MECOM: variants seen among roughly 807,000 people sequenced by gnomAD.
The protein encoded by MECOM is MDS1 and EVI1 complex locus.
A neutral mutation model predicts 116.3 loss-of-function variants in MECOM; 13 were observed. The observed-to-expected ratio is 0.11, with a 90% confidence interval of 0.07 to 0.18. The LOEUF (loss-of-function observed/expected upper bound fraction) is 0.18. MECOM is among the 10% of genes least tolerant of loss of function. MECOM has a pLI of 1.00. For synonymous variants in MECOM, 528 were observed against 535.2 expected, an observed-to-expected ratio of 0.99 and a Z score of 0.19; for missense variants, 1,299 against 1,509.0, an observed-to-expected ratio of 0.86 and a Z score of 2.31.
rs115065656 is a variant in MECOM, at chr3:169,522,662, T to G, written c.37+140674A>C. On this transcript the variant is annotated intron_variant, in intron 1 of 16. Transcript: ENST00000651503. The stretch of plus-strand genomic sequence containing the variant: ...ATTTAGAAAAGATTATATGTGATCA[T>G]ATGGATGTAAATGTGAGAAAACAAT... Among the ~76,000 whole-genome samples the G allele has an allele frequency of 6.4e-3, 968 of 152,316 alleles. 14 individuals are homozygous for G. Among genetic ancestry groups the G allele is most frequent in the African/African-American group, 0.023 (946 of 41,570 alleles).
intron 1 of MECOM, among the ~76,000 whole-genome samples, chr3:169,490,763 C>T (rs971708131): frequency 1.3e-5 from 2 of 151,954 alleles, no homozygotes; most frequent in African/African-American, 4.8e-5. Flanking sequence ...AGGGGTGGGC[C>T]TTTATCTGTA....
intron 1 of MECOM, among the ~76,000 whole-genome samples, chr3:169,416,541 G>C (rs1738622817): frequency 6.7e-6 from 1 of 149,998 alleles, no homozygotes; most frequent in Non-Finnish European, 1.5e-5. Flanking sequence ...AGAACTGAAG[G>C]AAATAGAGAC....
intron 1 of MECOM, among the ~76,000 whole-genome samples, chr3:169,610,527 G>GTATATA (rs1553898653): frequency 6.6e-6 from 1 of 151,092 alleles, no homozygotes; most frequent in East Asian, 2.0e-4. Flanking sequence ...GTGTGTGTGT[G>GTATATA]TATAATATCC....
intron 2 of MECOM, among the ~76,000 whole-genome samples, chr3:169,311,080 AT>A (rs2149730638): frequency 6.6e-6 from 1 of 152,312 alleles, no homozygotes; most frequent in South Asian, 2.1e-4. Flanking sequence ...TCATGCTCTA[AT>A]GCTGTTCTTC....
chr3:169,194,307 C>T (rs762093238), intron 2 of MECOM, among the ~76,000 whole-genome samples: 1 of 151,840 alleles, frequency 6.6e-6, no homozygotes, highest in South Asian at 2.1e-4. Flanking sequence ...CACACCGGGG[C>T]CCGTTGTGGG....
intron 2 of MECOM, among the ~76,000 whole-genome samples, chr3:169,174,799 T>C (rs954455606): frequency 2.0e-5 from 3 of 152,172 alleles, no homozygotes; most frequent in African/African-American, 7.2e-5. Context: ...AACAGAAGAA[T>C]ATTCTGCTTC....
intron 2 of MECOM, among the ~76,000 whole-genome samples, chr3:169,256,828 A>C (rs1447516576): frequency 6.6e-6 from 1 of 152,220 alleles, no homozygotes; most frequent in Admixed American, 6.5e-5. Flanking sequence ...GATTTTTCAG[A>C]TGTGGAAACT....
At chr3:169,131,140 C>T (rs1022245482) in intron 4 of MECOM, among the ~76,000 whole-genome samples, 12 of 152,182 alleles carry the variant, frequency 7.9e-5, no homozygotes, top group African/African-American at 2.7e-4. Flanking sequence ...AAAGGATTCT[C>T]ACCATAAACT....
At chr3:169,237,038 G>A (rs950360192) in intron 2 of MECOM, among the ~76,000 whole-genome samples, 2 of 152,124 alleles carry the variant, frequency 1.3e-5, no homozygotes, top group Admixed American at 1.3e-4. Flanking sequence ...ACATGTAATC[G>A]AGAAACAAAT....
chr3:169,516,058 G>T (rs2109052070), intron 1 of MECOM, among the ~76,000 whole-genome samples: 1 of 152,156 alleles, frequency 6.6e-6, no homozygotes, highest in East Asian at 1.9e-4. Context: ...TCAAATAGAA[G>T]TCCAAAACTC....
At chr3:169,640,956 C>T (rs1000553211) in intron 1 of MECOM, among the ~76,000 whole-genome samples, 1 of 152,160 alleles carries the variant, frequency 6.6e-6, no homozygotes. Flanking sequence ...ATGCATTCTC[C>T]CACAGAGGGC....
chr3:169,267,044 A>G (rs969043603), intron 2 of MECOM, among the ~76,000 whole-genome samples: 1 of 152,232 alleles, frequency 6.6e-6, no homozygotes, highest in Non-Finnish European at 1.5e-5. Context: ...TGACTTATGG[A>G]CATGCACTAT....
In MECOM at chr3:169,310,029, C is replaced by T. The variant is rs967988023; in HGVS notation, c.375+71158G>A. Among the ~76,000 whole-genome samples, 3 of 152,184 alleles carry T rather than the reference C, an allele frequency of 2.0e-5. No individual in the cohort carries two copies. In the East Asian group the frequency reaches 5.8e-4, roughly 29 times the overall value. ...ACAAGTGTGGCCTTGGACCCTTTTC[C>T]CATTTTCTGTTCATTGACAGACTGT... is the stretch of plus-strand genomic sequence containing the variant. On this transcript the variant is annotated intron_variant, in intron 2 of 16. Coordinates refer to ENST00000651503, the MANE Select transcript of MECOM (RefSeq NM_004991.4).
At chr3:169,206,522 C>T (rs577077969) in intron 2 of MECOM, among the ~76,000 whole-genome samples, 37 of 151,988 alleles carry the variant, frequency 2.4e-4, no homozygotes, top group Non-Finnish European at 5.0e-4. Context: ...GAGGATGACG[C>T]GGGCAGATTG....
chr3:169,583,414 T>A (rs1765351737), intron 1 of MECOM, among the ~76,000 whole-genome samples: 1 of 152,118 alleles, frequency 6.6e-6, no homozygotes, highest in Non-Finnish European at 1.5e-5. Flanking sequence ...AAACCTGAAA[T>A]CCAAACAACT....
chr3:169,152,360 G>T (rs541230403), intron 2 of MECOM, among the ~76,000 whole-genome samples: 1 of 152,160 alleles, frequency 6.6e-6, no homozygotes, highest in East Asian at 1.9e-4. Context: ...CTGAAAGCAT[G>T]TTAATCTCCA....
At chr3:169,329,785 C>A (rs537225221) in intron 2 of MECOM, among the ~76,000 whole-genome samples, 33 of 152,288 alleles carry the variant, frequency 2.2e-4, no homozygotes, top group African/African-American at 7.7e-4. Flanking sequence ...AGCGCTGCTG[C>A]CCACTCATCC....
chr3:169,145,525 AAAAAAAAGAAAAAAAAG>A (rs1340422929), intron 2 of MECOM: 3 of 221,858 alleles, frequency 1.4e-5, no homozygotes, highest in African/African-American at 6.7e-5. Context: ...CTTGACTGGC[AAAAAAAAGAAAAAAAAG>A]AAAAAAAGAA....
At chr3:169,100,000 T>A (rs1474206655) in intron 12 of MECOM, among the ~76,000 whole-genome samples, 1 of 151,974 alleles carries the variant, frequency 6.6e-6, no homozygotes, top group Non-Finnish European at 1.5e-5. Flanking sequence ...TTCTATAATA[T>A]ACTCTATTTT....
Sources: allele counts gnomAD v4.1 joint callset (sites outside exome capture counted in the v4.1 genomes callset), GRCh38; gene constraint gnomAD v4.1.1; transcripts MANE v1.5; gene names NCBI Gene and HGNC (gene_info 2026-07-23, HGNC 2026-07-21).